FCAMR: variants seen among roughly 807,000 people sequenced by gnomAD.
FCAMR encodes the protein Fc alpha and mu receptor, also known as high affinity immunoglobulin alpha and immunoglobulin mu Fc receptor.
In FCAMR, 51 loss-of-function variants were observed where a neutral mutation model predicts 52.2. That is an observed-to-expected ratio of 0.98 (90% CI 0.78 to 1.23). The LOEUF is 1.23. Among genes scored for constraint, FCAMR ranks in the 50% most tolerant of loss-of-function variants. The probability of loss-of-function intolerance (pLI) is 0.00; values close to 1 mark genes in which losing one functional copy is unlikely to be tolerated. For missense variants in FCAMR, 719 were observed against 712.6 expected, an observed-to-expected ratio of 1.01 and a Z score of -0.10; for synonymous variants, 282 against 262.0, an observed-to-expected ratio of 1.08 and a Z score of -0.74.
At chr1:206,960,119 A>AGT (rs1261183113) in intron 6 of FCAMR, 4 of 495,486 alleles carry the variant, frequency 8.1e-6, no homozygotes, top group Non-Finnish European at 1.4e-5. Flanking sequence ...TTGTGGCTTC[A>AGT]GTGCATCACC....
chr1:206,970,159 C>A lies in FCAMR; in HGVS notation c.-34G>T, dbSNP rs151058749. On this transcript the variant is annotated 5_prime_UTR_variant, in exon 1 of 8. Coordinates refer to ENST00000324852, the MANE Select transcript of FCAMR (RefSeq NM_001170631.2). The stretch of plus-strand genomic sequence containing the variant: ...AGAAACAAGATCCAGGTGGACTTTT[C>A]TTCTCCTTATGAGATGCAGGTGTTT... The A allele has an allele frequency of 2.2e-4, 354 of 1,613,516 alleles. 2 individuals carry two copies. The African/African-American group carries it at 3.8e-3, about 17-fold the overall frequency.
At chr1:206,964,078 T>C (rs776759871) in intron 4 of FCAMR, among the ~76,000 whole-genome samples, 5 of 152,196 alleles carry the variant, frequency 3.3e-5, no homozygotes, top group Admixed American at 6.5e-5. Context: ...CTCCTCTTAC[T>C]TGGCTTAAAG....
In FCAMR at chr1:206,959,667, T is replaced by C. The variant is rs547404758; in HGVS notation, c.1573+12A>G. ...GAACTCTTCTATCTAGCCTTGGGGC[T>C]ACTCAACTCACAGGTCCTCCTTCTC... is the stretch of plus-strand genomic sequence containing the variant. On this transcript the variant is annotated intron_variant, in intron 7 of 7. Coordinates refer to ENST00000324852, the MANE Select transcript of FCAMR (RefSeq NM_001170631.2). The C allele has an allele frequency of 6.2e-7, 1 of 1,606,360 alleles. No individual in the cohort carries two copies. Among genetic ancestry groups the C allele is most frequent in the African/African-American group, 1.3e-5 (1 of 74,882 alleles).
In FCAMR at chr1:206,970,223, G is replaced by A. The variant is rs1347956048; in HGVS notation, c.-98C>T. On this transcript the variant is annotated 5_prime_UTR_variant, in exon 1 of 8. Coordinates refer to ENST00000324852, the MANE Select transcript of FCAMR (RefSeq NM_001170631.2). ...TTGCTCTCCTTTAAACCTGGAGACT[G>A]AGAAGTCAAGGTGGTATTTTGGAAA... 1 of 1,411,148 alleles carries A rather than the reference G, an allele frequency of 7.1e-7. No homozygotes were observed. Among genetic ancestry groups the A allele is most frequent in the East Asian group, 2.3e-5 (1 of 43,308 alleles). 87.4% of individuals were successfully genotyped at this position (1,411,148 alleles called of 1,614,324 possible).
At chr1:206,969,316 T>C (rs1182192195) in intron 1 of FCAMR, 1 of 455,898 alleles carries the variant, frequency 2.2e-6, no homozygotes, top group East Asian at 7.0e-5. Flanking sequence ...AGCAGGAGTA[T>C]GAGATAAAAT....
intron 5 of FCAMR, among the ~76,000 whole-genome samples, chr1:206,961,869 C>T (rs999772279): frequency 1.3e-5 from 2 of 152,234 alleles, no homozygotes; most frequent in African/African-American, 2.4e-5. Context: ...GCAGTGCTGC[C>T]GCTTCTCTGC....
In FCAMR at chr1:206,961,214, C is replaced by T. The variant is rs1461347433; in HGVS notation, c.662G>A (p.Ser221Asn). Residue 221 changes from serine to asparagine, a missense_variant, in exon 6 of 8, where the codon AGC becomes AAC. Transcript: ENST00000324852. ...MNLTISAGPA[S>N]TLPTATPAAG... is the part of the protein sequence containing the mutation. ...AGCTGGAGTGGCTGTGGGGAGGGTG[C>T]TGGCGGGACCTGTGTGGACAGCAGA... is the stretch of plus-strand genomic sequence containing the variant. 6.5e-7 allele frequency: 1 copy of T among 1,545,164 alleles called. No individual in the cohort carries two copies. Among genetic ancestry groups the T allele is most frequent in the Admixed American group, 2.0e-5 (1 of 50,354 alleles).
intron 4 of FCAMR, 75 bp downstream of exon 4, chr1:206,965,640 G>A: frequency 1.4e-6 from 2 of 1,477,904 alleles, no homozygotes; most frequent in Admixed American, 2.6e-5. Context: ...ATAGCTGTAG[G>A]GAGCCTGACT....
rs1353625698 is a variant in FCAMR, at chr1:206,958,343, T to C, written c.*173A>G. On this transcript the variant is annotated 3_prime_UTR_variant, in exon 8 of 8. Transcript: ENST00000324852. ...TGTCACCTTTGGACGTGGATAATGC[T>C]TGACTTTCTTGGGCCCAAGGACAGC... 4 of 686,188 alleles carry C rather than the reference T, an allele frequency of 5.8e-6. No homozygotes were observed. Among genetic ancestry groups the C allele is most frequent in the Non-Finnish European group, 9.6e-6 (4 of 418,544 alleles). The allele number at this position is 686,188 out of a possible 1,614,324, so 42.5% of individuals were successfully genotyped here. A position where few individuals can be genotyped will look rare whatever the true frequency, so the allele number is the denominator to read the frequency against.
At chr1:206,959,406 G>A (rs577931566) in intron 7 of FCAMR, among the ~76,000 whole-genome samples, 1 of 151,594 alleles carries the variant, frequency 6.6e-6, no homozygotes, top group East Asian at 1.9e-4. Context: ...GAATCTGGGA[G>A]GCGGAAGTTG....
In FCAMR at chr1:206,960,522, G is replaced by A. The variant is rs200270426; in HGVS notation, c.1354C>T (p.Leu452=). ...CCTCTGTCTCCAGTGGCAGCATCTA[G>A]GTCCCCTGCAGCGCTTCCTTCCCCA... is the stretch of plus-strand genomic sequence containing the variant. ...ASGEGSAAGD[L]DAATGDRGPQ... The change falls in exon 6 of 8, where the codon CTA becomes TTA. Residue 452 remains leucine, a synonymous_variant. Coordinates refer to ENST00000324852, the MANE Select transcript of FCAMR (RefSeq NM_001170631.2). 1.6e-5 allele frequency: 25 copies of A among 1,551,666 alleles called. No homozygotes were observed. The highest frequency in any genetic ancestry group is 2.1e-5 in the Non-Finnish European group (24 of 1,146,968).
rs752132778 is a variant in FCAMR, at chr1:206,958,628, T to A, written c.1622A>T (p.Glu541Val). 6.2e-7 allele frequency: 1 copy of A among 1,614,040 alleles called. No homozygotes were observed. Among genetic ancestry groups the A allele is most frequent in the South Asian group, 1.1e-5 (1 of 91,076 alleles). Residue 541 changes from glutamate (E) to valine (V), a missense_variant, in exon 8 of 8, where the codon GAA (glutamate) becomes GTA (valine). Transcript: ENST00000324852. ...VTLIQMTHFLEVNPQADQLPH... is the reference protein window; with the variant it reads ...VTLIQMTHFLVVNPQADQLPH... The stretch of plus-strand genomic sequence containing the variant: ...CAGCTGGTCTGCTTGGGGGTTCACT[T>A]CCAGAAAATGTGTCATCTGAATTAA...
chr1:206,968,419 G>A (rs1313391939), intron 1 of FCAMR, among the ~76,000 whole-genome samples: 1 of 152,166 alleles, frequency 6.6e-6, no homozygotes, highest in African/African-American at 2.4e-5. Context: ...GCTTTTTGAT[G>A]GATTAAAAAT....
chr1:206,969,176 G>T (rs747430777), intron 1 of FCAMR: 29 of 361,664 alleles, frequency 8.0e-5, no homozygotes, highest in Non-Finnish European at 1.4e-4. Flanking sequence ...TTTTTCTAAA[G>T]CACTAAGTGC....
intron 7 of FCAMR, chr1:206,958,923 C>A (rs929214358): frequency 6.2e-6 from 4 of 642,442 alleles, no homozygotes; most frequent in Non-Finnish European, 1.2e-5. Context: ...ACTAGGTGTA[C>A]ATATCACAGA....
intron 3 of FCAMR, among the ~76,000 whole-genome samples, chr1:206,966,096 G>T (rs1680698620): frequency 6.6e-6 from 1 of 152,188 alleles, no homozygotes; most frequent in African/African-American, 2.4e-5. Context: ...GAAGAGGGAA[G>T]GCAGCAACCA....
chr1:206,967,433 GT>G (rs2102268968), intron 2 of FCAMR, 149 bp downstream of exon 2: 1 of 836,302 alleles, frequency 1.2e-6, no homozygotes, highest in Non-Finnish European at 1.9e-6. Flanking sequence ...GGAGCTCTGA[GT>G]TTGTGGGGAG....
At chr1:206,958,923 C>T (rs929214358) in intron 7 of FCAMR, 2 of 642,560 alleles carry the variant, frequency 3.1e-6, no homozygotes, top group Admixed American at 4.3e-5. Context: ...ACTAGGTGTA[C>T]ATATCACAGA....
rs750819666 is a variant in FCAMR, at chr1:206,962,271, G to A, written c.594C>T (p.Cys198=). 2.7e-5 allele frequency: 43 copies of A among 1,614,154 alleles called. No homozygotes were observed. Among genetic ancestry groups the A allele is most frequent in the Admixed American group, 8.3e-5 (5 of 60,024 alleles). Residue 198 remains cysteine, a synonymous_variant, in exon 5 of 8, where the codon TGC becomes TGT. Transcript: ENST00000324852. ...GCATGTTGTTTTCACTTCCAATGCC[G>A]CAGAGGTAGCATCCGATGTCATCCG... ...LSPDDIGCYL[C]GIGSENNMLF...
Sources: allele counts gnomAD v4.1 joint callset (sites outside exome capture counted in the v4.1 genomes callset), GRCh38; gene constraint gnomAD v4.1.1; transcripts MANE v1.5; gene names NCBI Gene and HGNC (gene_info 2026-07-23, HGNC 2026-07-21).